The following DNAAF11 variants were observed in gnomAD, a reference collection of about 807,000 sequenced individuals.
DNAAF11 encodes the protein dynein axonemal assembly factor 11.
Under a neutral mutation model 60.8 loss-of-function variants are expected in DNAAF11, and 45 were observed. The observed-to-expected ratio is 0.74, with a 90% CI of 0.58 to 0.95. DNAAF11 has a LOEUF of 0.95. Ranked by LOEUF, DNAAF11 falls within the 40% of genes least tolerant of loss-of-function variation. The probability of loss-of-function intolerance (pLI) is 0.00; values close to 1 mark genes in which losing one functional copy is unlikely to be tolerated. For missense variants in DNAAF11, 546 were observed against 546.2 expected, an observed-to-expected ratio of 1.00 and a Z score of 0.00; for synonymous variants, 191 against 183.5, an observed-to-expected ratio of 1.04 and a Z score of -0.33.
At chr8:132,616,318 C>G (rs1316854928) in intron 7 of DNAAF11, among the ~76,000 whole-genome samples, 1 of 151,968 alleles carries the variant, frequency 6.6e-6, no homozygotes, top group Non-Finnish European at 1.5e-5. Flanking sequence ...CCTTTCTTCC[C>G]TTTTTTCTTC....
rs183068676 is a variant in DNAAF11 at position 132,664,219 on chromosome 8, C to T, written c.11-2592G>A. Among the ~76,000 whole-genome samples, 55 of 152,346 alleles carry T rather than the reference C, an allele frequency of 3.6e-4. No homozygotes were observed. The East Asian group carries it at 6.2e-3, about 17-fold the overall frequency. ...ATAATTTGAACTCCAAAGGAGATGTCATCCATGGTTAAGTCGAATGTGTTC... is the reference window on the plus strand; with the variant it reads ...ATAATTTGAACTCCAAAGGAGATGTTATCCATGGTTAAGTCGAATGTGTTC... On this transcript the variant is annotated intron_variant, in intron 1 of 11. Coordinates refer to ENST00000620350, the MANE Select transcript of DNAAF11 (RefSeq NM_012472.6).
chr8:132,626,057 CT>C (rs369174674), intron 5 of DNAAF11, among the ~76,000 whole-genome samples: 16 of 148,002 alleles, frequency 1.1e-4, no homozygotes, highest in Non-Finnish European at 1.5e-5. Flanking sequence ...TCTTTTTTTT[CT>C]TTTTTTTTTG....
the DNAAF11 span, among the ~76,000 whole-genome samples, chr8:132,692,038 A>G: frequency 7.9e-5 from 12 of 152,274 alleles, no homozygotes; most frequent in African/African-American, 2.6e-4. Flanking sequence ...ATTTACTTTG[A>G]AAGAGACTCT....
chr8:132,621,742 T>C (rs936335505), intron 7 of DNAAF11, among the ~76,000 whole-genome samples: 13 of 152,142 alleles, frequency 8.5e-5, no homozygotes, highest in Admixed American at 2.6e-4. Context: ...ATAAAGTTTA[T>C]CATGGAAGTC....
intron 11 of DNAAF11, among the ~76,000 whole-genome samples, chr8:132,573,446 T>C (rs879596635): frequency 1.4e-4 from 21 of 152,334 alleles, no homozygotes; most frequent in Non-Finnish European, 2.6e-4. Flanking sequence ...GACACTCTCA[T>C]ACACCTGTTT....
the DNAAF11 span, among the ~76,000 whole-genome samples, chr8:132,702,913 A>G: frequency 6.6e-6 from 1 of 152,196 alleles, no homozygotes; most frequent in Non-Finnish European, 1.5e-5. Context: ...GGAAGGCGGA[A>G]GGCTCTAGAA....
chr8:132,689,818 A>G, the DNAAF11 span, among the ~76,000 whole-genome samples: 1 of 151,978 alleles, frequency 6.6e-6, no homozygotes, highest in African/African-American at 2.4e-5. Context: ...TATTCAAGCA[A>G]TCCTTTGCCT....
intron 10 of DNAAF11, among the ~76,000 whole-genome samples, chr8:132,608,109 C>G (rs1818300733): frequency 6.6e-6 from 1 of 151,946 alleles, no homozygotes; most frequent in Non-Finnish European, 1.5e-5. Flanking sequence ...ATTTTTTTAA[C>G]TTTTGGTGGT....
intron 10 of DNAAF11, among the ~76,000 whole-genome samples, chr8:132,586,671 C>T (rs1408340065): frequency 6.6e-6 from 1 of 152,170 alleles, no homozygotes; most frequent in Non-Finnish European, 1.5e-5. Context: ...ACAATCCAAC[C>T]TCTCTGATCA....
chr8:132,640,682 T>C (rs550507302), intron 3 of DNAAF11, among the ~76,000 whole-genome samples: 25 of 152,298 alleles, frequency 1.6e-4, no homozygotes, highest in Admixed American at 7.2e-4. Flanking sequence ...AATTTTATCA[T>C]ATATTTCCTG....
intron 3 of DNAAF11, among the ~76,000 whole-genome samples, chr8:132,654,314 T>G (rs1365788293): frequency 1.3e-5 from 2 of 151,950 alleles, no homozygotes; most frequent in Non-Finnish European, 2.9e-5. Flanking sequence ...TAGGGACAAT[T>G]CAACAATAAT....
the DNAAF11 span, among the ~76,000 whole-genome samples, chr8:132,683,954 A>T: frequency 6.6e-6 from 1 of 152,150 alleles, no homozygotes; most frequent in Non-Finnish European, 1.5e-5. Flanking sequence ...AGACAGAAAG[A>T]TTAGTGGAGT....
At chr8:132,603,692 A>G (rs7820681) in intron 10 of DNAAF11, among the ~76,000 whole-genome samples, 33,370 of 151,842 alleles carry the variant, frequency 0.22, 4,031 homozygotes, top group African/African-American at 0.32. Flanking sequence ...GTCTTTTTTA[A>G]AAGTTTTGCA....
At chr8:132,686,669 G>C in the DNAAF11 span, among the ~76,000 whole-genome samples, 2 of 152,256 alleles carry the variant, frequency 1.3e-5, no homozygotes, top group South Asian at 4.1e-4. Flanking sequence ...AGTGGTGATA[G>C]AGGGAAGTGG....
At chr8:132,672,232 TA>T (rs1327811931) in intron 1 of DNAAF11, among the ~76,000 whole-genome samples, 3 of 152,186 alleles carry the variant, frequency 2.0e-5, no homozygotes, top group Non-Finnish European at 4.4e-5. Context: ...TGTGTCCCAG[TA>T]ATACAAAATG....
At chr8:132,591,666 A>T (rs34773028) in intron 10 of DNAAF11, among the ~76,000 whole-genome samples, 23,976 of 151,968 alleles carry the variant, frequency 0.16, 2,932 homozygotes, top group African/African-American at 0.34. Flanking sequence ...CTTGTTTATT[A>T]TACCTCACTA....
chr8:132,632,003 C>T (rs1286854316), intron 5 of DNAAF11, among the ~76,000 whole-genome samples: 2 of 150,620 alleles, frequency 1.3e-5, no homozygotes, highest in African/African-American at 2.4e-5. Context: ...TACTCTAAAA[C>T]TTAAAGTATA....
intron 10 of DNAAF11, among the ~76,000 whole-genome samples, chr8:132,584,015 G>A (rs1354365553): frequency 1.3e-5 from 2 of 152,088 alleles, no homozygotes; most frequent in Non-Finnish European, 2.9e-5. Flanking sequence ...CAAAGGCCAA[G>A]CAGGAGATAT....
chr8:132,575,373 CAAT>C (rs1317263635), intron 11 of DNAAF11, among the ~76,000 whole-genome samples: 1 of 152,180 alleles, frequency 6.6e-6, no homozygotes, highest in Non-Finnish European at 1.5e-5. Context: ...TGGCATCAGT[CAAT>C]ATGTACTAGG....
Sources: allele counts gnomAD v4.1 joint callset (sites outside exome capture counted in the v4.1 genomes callset), GRCh38; gene constraint gnomAD v4.1.1; transcripts MANE v1.5; gene names NCBI Gene and HGNC (gene_info 2026-07-23, HGNC 2026-07-21).